Variants in CHRM2 observed in about 807,000 individuals in gnomAD.
CHRM2 encodes cholinergic receptor muscarinic 2.
In CHRM2, 8 loss-of-function variants were observed where a neutral mutation model predicts 25.0. That is an observed-to-expected ratio of 0.32 (90% CI 0.19 to 0.58). The LOEUF (loss-of-function observed/expected upper bound fraction) is 0.58. CHRM2 is among the 20% of genes least tolerant of loss of function. The pLI, the probability that CHRM2 is intolerant of heterozygous loss-of-function variation, is 0.88. For missense variants in CHRM2, 440 were observed against 567.1 expected, an observed-to-expected ratio of 0.78 and a Z score of 2.28; for synonymous variants, 202 against 205.7, an observed-to-expected ratio of 0.98 and a Z score of 0.15.
intron 2 of CHRM2, among the ~76,000 whole-genome samples, chr7:136,873,910 G>A (rs572239926): frequency 9.2e-5 from 14 of 152,306 alleles, no homozygotes; most frequent in Non-Finnish European, 1.6e-4. Context: ...GTAAACGAGG[G>A]CACCAAAATT....
chr7:136,884,256 A>C (rs1490831153), intron 2 of CHRM2, among the ~76,000 whole-genome samples: 1 of 152,170 alleles, frequency 6.6e-6, no homozygotes, highest in East Asian at 1.9e-4. Flanking sequence ...TCCCCAATTC[A>C]TAAGGTCATT....
chr7:136,889,163 T>G (rs1584701777), intron 2 of CHRM2, among the ~76,000 whole-genome samples: 6 of 151,754 alleles, frequency 4.0e-5, no homozygotes, highest in Admixed American at 3.3e-4. Flanking sequence ...TGTTCTTGAG[T>G]GTTGGTGCAA....
intron 2 of CHRM2, among the ~76,000 whole-genome samples, chr7:136,988,351 G>C (rs1802994808): frequency 6.6e-6 from 1 of 152,044 alleles, no homozygotes; most frequent in South Asian, 2.1e-4. Flanking sequence ...AAAATACCAT[G>C]TAATCTGTAG....
intron 2 of CHRM2, among the ~76,000 whole-genome samples, chr7:136,917,005 G>A (rs116924286): frequency 0.025 from 3,837 of 151,534 alleles, 71 homozygotes; most frequent in Middle Eastern, 0.048. Context: ...ATTGACTCCC[G>A]CTCTCCTGAC....
chr7:136,933,880 TA>T (rs1799259204), intron 2 of CHRM2, among the ~76,000 whole-genome samples: 1 of 152,120 alleles, frequency 6.6e-6, no homozygotes, highest in African/African-American at 2.4e-5. Context: ...AGATGGAAAG[TA>T]GAATGGTGGT....
chr7:136,958,069 G>A (rs111635870), intron 2 of CHRM2, among the ~76,000 whole-genome samples: 2,302 of 152,226 alleles, frequency 0.015, 59 homozygotes, highest in African/African-American at 0.053. Context: ...TGATTACACT[G>A]GTGCCATTTT....
At chr7:136,871,399 C>T (rs1288918837) in intron 2 of CHRM2, 1 of 152,552 alleles carries the variant, frequency 6.6e-6, no homozygotes, top group Admixed American at 6.5e-5. Context: ...TCCATGCTGC[C>T]CAGGGAAGTT....
At chr7:136,991,978 A>G (rs1368532463) in intron 2 of CHRM2, among the ~76,000 whole-genome samples, 1 of 152,130 alleles carries the variant, frequency 6.6e-6, no homozygotes, top group Non-Finnish European at 1.5e-5. Flanking sequence ...GTGAGATGCC[A>G]GTCTTCCATG....
intron 3 of CHRM2, among the ~76,000 whole-genome samples, chr7:137,011,215 G>GTGTGTGTGTGTGTGTGTGTATATATA: frequency 3.0e-5 from 4 of 134,338 alleles, no homozygotes; most frequent in African/African-American, 3.2e-5. Context: ...GTGTGTGTGT[G>GTGTGTGTGTGTGTGTGTGTATATATA]TATATATATA....
chr7:137,012,136 A>G (rs1804865742), intron 3 of CHRM2, among the ~76,000 whole-genome samples: 2 of 152,070 alleles, frequency 1.3e-5, no homozygotes, highest in African/African-American at 4.8e-5. Flanking sequence ...TTTTCAAACT[A>G]AGTGAATTAA....
chr7:136,908,306 A>G (rs898263314), intron 2 of CHRM2, among the ~76,000 whole-genome samples: 2 of 151,904 alleles, frequency 1.3e-5, no homozygotes, highest in Admixed American at 6.6e-5. Flanking sequence ...TAAGAAATGA[A>G]TAGTTACGAG....
chr7:136,931,715 T>A (rs1181332447), intron 2 of CHRM2, among the ~76,000 whole-genome samples: 1 of 152,216 alleles, frequency 6.6e-6, no homozygotes, highest in Non-Finnish European at 1.5e-5. Context: ...TGTCCAGACT[T>A]GCCTCCCTGA....
intron 2 of CHRM2, among the ~76,000 whole-genome samples, chr7:136,921,794 C>CTTTTTTTTTTTTTTTTTTT (rs398006503): frequency 2.6e-5 from 3 of 116,538 alleles, no homozygotes; most frequent in Admixed American, 8.8e-5. Context: ...TTCTTTCTTT[C>CTTTTTTTTTTTTTTTTTTT]TTTTTTTTGA....
At chr7:136,930,526 T>G (rs976658296) in intron 2 of CHRM2, among the ~76,000 whole-genome samples, 9 of 152,008 alleles carry the variant, frequency 5.9e-5, no homozygotes, top group African/African-American at 1.9e-4. Flanking sequence ...TTGAGAAACC[T>G]TTCTCTAGGA....
rs1563129651 is a variant in CHRM2 at position 137,015,960 on chromosome 7, T to A, written c.1095T>A (p.Ile365=). The A allele has an allele frequency of 6.2e-7, 1 of 1,613,150 alleles. No homozygotes were observed. The highest frequency in any genetic ancestry group is 2.2e-5 in the East Asian group (1 of 44,758). ...AGCAGAATATTGTAGCCCGCAAGAT[T>A]GTGAAGATGACTAAGCAGCCTGCAA... ...DEKQNIVARK[I]VKMTKQPAKK... Residue 365 remains isoleucine (I), a synonymous_variant, in exon 4 of 4, where the codon ATT becomes ATA. Coordinates refer to ENST00000680005, the MANE Select transcript of CHRM2 (RefSeq NM_001006630.2). This position sits in a 1 kb window ranked among gnomAD's most constrained non-coding sequence, Gnocchi z 5.1.
chr7:136,991,007 T>C (rs1803190882), intron 2 of CHRM2, among the ~76,000 whole-genome samples: 1 of 152,182 alleles, frequency 6.6e-6, no homozygotes, highest in Non-Finnish European at 1.5e-5. Context: ...TAATTTACCA[T>C]CTGTATATGT....
chr7:136,932,429 C>T (rs753929035), intron 2 of CHRM2, among the ~76,000 whole-genome samples: 9 of 152,128 alleles, frequency 5.9e-5, no homozygotes, highest in African/African-American at 1.9e-4. Context: ...AGAAGTGGAG[C>T]GTACCCTACC....
intron 2 of CHRM2, chr7:136,870,573 G>A (rs12537069): frequency 0.13 from 19,236 of 152,546 alleles, 1,361 homozygotes; most frequent in Non-Finnish European, 0.17. Flanking sequence ...AATTGTCCCA[G>A]GCTGAGTCCA....
chr7:136,916,656 T>TTTAATATTACATATA (rs781130484), intron 2 of CHRM2, among the ~76,000 whole-genome samples: 11 of 150,680 alleles, frequency 7.3e-5, no homozygotes, highest in East Asian at 1.9e-4. Flanking sequence ...TTTCCTCATT[T>TTTAATATTACATATA]TTAATATTAC....
Sources: gnomAD v4.1 joint callset for allele counts (sites outside exome capture counted in the v4.1 genomes callset) on GRCh38, gnomAD v4.1.1 for gene constraint, Gnocchi (gnomAD v3.1) non-coding constraint, MANE v1.5 for transcripts, NCBI Gene and HGNC (gene_info 2026-07-23, HGNC 2026-07-21) for gene names.